The following SLC25A1 variants were observed in gnomAD, a reference collection of about 807,000 sequenced individuals.
The protein encoded by SLC25A1 is tricarboxylate transport protein, mitochondrial.
A neutral mutation model predicts 38.1 loss-of-function variants in SLC25A1; 26 were observed. That is an observed-to-expected ratio of 0.68 (90% CI 0.50 to 0.95). The LOEUF is 0.95. Among genes scored for constraint, SLC25A1 ranks in the 40% least tolerant of loss-of-function variants. SLC25A1 has a pLI of 0.00. For missense variants in SLC25A1, 378 were observed against 426.6 expected (o/e 0.89, Z 1.00); for synonymous variants, 211 against 183.2 (o/e 1.15, Z -1.23).
rs960754668 is a variant in SLC25A1 at position 19,176,301 on chromosome 22, G to A, written c.822-57C>T. ...CAGGTCAGCACAGTGTCCCTGCACA[G>A]GGCAATCCCCAGATACTGAAGTGAG... On this transcript the variant is annotated intron_variant, in intron 8 of 8. Coordinates refer to ENST00000215882, the MANE Select transcript of SLC25A1 (RefSeq NM_005984.5). The A allele has an allele frequency of 7.3e-5, 114 of 1,556,790 alleles. 2 individuals carry two copies. In the Admixed American group the frequency reaches 1.9e-3, roughly 26 times the overall value.
chr22:19,176,713 G>A lies in SLC25A1; in HGVS notation c.632-20C>T, dbSNP rs782293190. 6 of 1,607,914 alleles carry A rather than the reference G, an allele frequency of 3.7e-6. No homozygotes were observed. In the Admixed American group the frequency reaches 6.7e-5, roughly 18 times the overall value. On this transcript the variant is annotated intron_variant, in intron 6 of 8. Transcript: ENST00000215882. ...TGTCCCCTGGATATAGGAGGGGTGA[G>A]GTGGGTCAGAGGGTGCCGGGAGGGG...
chr22:19,176,518 G>A, intron 7 of SLC25A1, 24 bp from the exon 8 acceptor site: 1 of 1,613,382 alleles, frequency 6.2e-7, no homozygotes, highest in Non-Finnish European at 8.5e-7. Flanking sequence ...CAGCAGGCAG[G>A]GGCTCAGCAG....
chr22:19,178,445 G>A lies in SLC25A1; in HGVS notation c.94+135C>T. The A allele has an allele frequency of 7.3e-7, 1 of 1,370,984 alleles. No homozygotes were observed. Among genetic ancestry groups the A allele is most frequent in the Non-Finnish European group, 9.4e-7 (1 of 1,069,016 alleles). The allele number at this position is 1,370,984 out of a possible 1,614,324, so 84.9% of individuals were successfully genotyped here. The stretch of plus-strand genomic sequence containing the variant: ...ACGGGAGGCGGGCGAGTCCCAGCGC[G>A]CCGGGTGGGGACCAGGACCGCGCCT... On this transcript the variant is annotated intron_variant, in intron 1 of 8. Transcript: ENST00000215882. This position sits in a 1 kb window ranked among gnomAD's most constrained non-coding sequence, Gnocchi z 4.9.
chr22:19,176,696 G>T lies in SLC25A1; in HGVS notation c.632-3C>A. 1 of 1,612,324 alleles carries T rather than the reference G, an allele frequency of 6.2e-7. No homozygotes were observed. The highest frequency in any genetic ancestry group is 8.5e-7 in the Non-Finnish European group (1 of 1,178,538). ...CATGGGCTTGTTGGGGTTGTCCCCT[G>T]GATATAGGAGGGGTGAGGTGGGTCA... is the stretch of plus-strand genomic sequence containing the variant. On this transcript the variant is annotated splice_polypyrimidine_tract_variant and splice_region_variant and intron_variant, in intron 6 of 8. Coordinates refer to ENST00000215882, the MANE Select transcript of SLC25A1 (RefSeq NM_005984.5).
rs925805597 is a variant in SLC25A1, at chr22:19,178,410, G to C, written c.94+170C>G. 4.3e-6 allele frequency: 6 copies of C among 1,385,098 alleles called. No individual in the cohort carries two copies. Among genetic ancestry groups the C allele is most frequent in the Middle Eastern group, 2.6e-4 (1 of 3,852 alleles). The allele number at this position is 1,385,098 out of a possible 1,614,324, so 85.8% of individuals were successfully genotyped here. On this transcript the variant is annotated intron_variant, in intron 1 of 8. Transcript: ENST00000215882. This position sits in a 1 kb window ranked among gnomAD's most constrained non-coding sequence, Gnocchi z 4.9. ...ACCCCGTTGTCCCGGCGAGGCGCAGGGGGTGACAGACGGGAGGCGGGCGAG... is the reference window on the plus strand; with the variant it reads ...ACCCCGTTGTCCCGGCGAGGCGCAGCGGGTGACAGACGGGAGGCGGGCGAG...
Position 19,175,942 on chromosome 22 carries a change from A to G in SLC25A1, c.*188T>C, listed in dbSNP as rs2083952394. 3 of 270,986 alleles carry G rather than the reference A, an allele frequency of 1.1e-5. No homozygotes were observed. Among genetic ancestry groups the G allele is most frequent in the Non-Finnish European group, 1.8e-5 (3 of 167,392 alleles). 16.8% of individuals were successfully genotyped at this position (270,986 alleles called of 1,614,324 possible). A position where few individuals can be genotyped will look rare whatever the true frequency, so the allele number is the denominator to read the frequency against. On this transcript the variant is annotated 3_prime_UTR_variant, in exon 9 of 9. Transcript: ENST00000215882. ...ATGGCTGGGCCAGACACTGGGACAC[A>G]GTGGTGGTGTCACACACAGACCACA...
chr22:19,178,194 C>T lies in SLC25A1; in HGVS notation c.141G>A (p.Glu47=), dbSNP rs1555923304. 1.9e-6 allele frequency: 3 copies of T among 1,553,542 alleles called. No individual in the cohort carries two copies. Among genetic ancestry groups the T allele is most frequent in the South Asian group, 1.2e-5 (1 of 84,304 alleles). Residue 47 remains glutamate, a synonymous_variant, in exon 2 of 9, where the codon GAG becomes GAA. Transcript: ENST00000215882. The surrounding 1 kb of genome is among the most constrained non-coding windows in gnomAD (Gnocchi z 4.9). ...CCAGCTGCAGCTGCGTCTTCACGTA[C>T]TCGGTGGGGAAGGTGATGCAGATCT... ...GIEICITFPT[E]YVKTQLQLDE...
chr22:19,176,449 G>C lies in SLC25A1; in HGVS notation c.793C>G (p.Gln265Glu). 1 of 1,613,742 alleles carries C rather than the reference G, an allele frequency of 6.2e-7. No individual in the cohort carries two copies. Among genetic ancestry groups the C allele is most frequent in the Non-Finnish European group, 8.5e-7 (1 of 1,179,988 alleles). ...TTGAGCCCCTCCTTCTTCAGGATCT[G>C]CAAGCCGCAGTCCCACGTGTTCCGG... Reference protein sequence around the residue: ...KYRNTWDCGLQILKKEGLKAF... With the variant: ...KYRNTWDCGLEILKKEGLKAF... The change falls in exon 8 of 9, where the codon CAG becomes GAG. Residue 265 changes from glutamine (Q) to glutamate (E), a missense_variant. By Grantham distance (29) the Gln-to-Glu change is conservative. Transcript: ENST00000215882.
chr22:19,178,463 C>G lies in SLC25A1; in HGVS notation c.94+117G>C. ...CCAGCGCGCCGGGTGGGGACCAGGACCGCGCCTCCACGACTCCCCAGCCCA... is the reference window on the plus strand; with the variant it reads ...CCAGCGCGCCGGGTGGGGACCAGGAGCGCGCCTCCACGACTCCCCAGCCCA... On this transcript the variant is annotated intron_variant, in intron 1 of 8. Transcript: ENST00000215882. This position sits in a 1 kb window ranked among gnomAD's most constrained non-coding sequence, Gnocchi z 4.9. 1 of 1,354,514 alleles carries G rather than the reference C, an allele frequency of 7.4e-7. No individual in the cohort carries two copies. The highest frequency in any genetic ancestry group is 9.4e-7 in the Non-Finnish European group (1 of 1,059,330). 83.9% of individuals were successfully genotyped at this position (1,354,514 alleles called of 1,614,324 possible). A position where few individuals can be genotyped will look rare whatever the true frequency, so the allele number is the denominator to read the frequency against.
At position 19,175,812 on chromosome 22, in the gene SLC25A1, C is replaced by T. The variant is rs183630665; in HGVS notation, c.*318G>A. 6 of 239,680 alleles carry T rather than the reference C, an allele frequency of 2.5e-5. No individual in the cohort carries two copies. Among genetic ancestry groups the T allele is most frequent in the South Asian group, 1.8e-4 (3 of 16,848 alleles). The allele number at this position is 239,680 out of a possible 1,614,324, so 14.8% of individuals were successfully genotyped here. ...TGGGACCGGGCCAGGGCTACAGGGC[C>T]GAGGACCCAGGCCACACGGGCACCC... On this transcript the variant is annotated 3_prime_UTR_variant, in exon 9 of 9. Coordinates refer to ENST00000215882, the MANE Select transcript of SLC25A1 (RefSeq NM_005984.5).
Position 19,178,022 on chromosome 22 carries a change from C to T in SLC25A1, c.222G>A (p.Thr74=), listed in dbSNP as rs371134887. The change falls in exon 3 of 9, where the codon ACG becomes ACA. Residue 74 remains threonine, a synonymous_variant. Coordinates refer to ENST00000215882, the MANE Select transcript of SLC25A1 (RefSeq NM_005984.5). This position sits in a 1 kb window ranked among gnomAD's most constrained non-coding sequence, Gnocchi z 4.9. ...GGCCCAGGACGCCATGGCTGCGAAC[C>T]GTCTGCCGCACGCAGTCCCCTGGGG... ...YRGIGDCVRQ[T]VRSHGVLGLY... 1.3e-6 allele frequency: 2 copies of T among 1,596,990 alleles called. No homozygotes were observed. Among genetic ancestry groups the T allele is most frequent in the Non-Finnish European group, 1.7e-6 (2 of 1,174,148 alleles).
In SLC25A1 at chr22:19,177,141, T is replaced by C; in HGVS notation, c.505A>G (p.Arg169Gly). The change falls in exon 5 of 9, where the codon AGG (arginine) becomes GGG (glycine). Residue 169 changes from arginine (R) to glycine (G), a missense_variant. Physicochemically the swap from Arg to Gly is moderately radical, Grantham distance 125. Transcript: ENST00000215882. ...PKYRGFFHGVREIVREQGLKG... is the reference protein window; with the variant it reads ...PKYRGFFHGVGEIVREQGLKG... ...TCACCTTGTTCCCGCACAATCTCCC[T>C]AACCCCGTGGAAGAATCCTCTGTAC... 9.3e-6 allele frequency: 15 copies of C among 1,614,048 alleles called. No individual in the cohort carries two copies. Among genetic ancestry groups the C allele is most frequent in the Non-Finnish European group, 1.2e-5 (14 of 1,179,944 alleles).
At position 19,178,106 on chromosome 22, in the gene SLC25A1, G is replaced by A; in HGVS notation, c.202+27C>T. The A allele has an allele frequency of 6.5e-7, 1 of 1,531,608 alleles. No individual in the cohort carries two copies. The allele number at this position is 1,531,608 out of a possible 1,614,324, so 94.9% of individuals were successfully genotyped here. A position where few individuals can be genotyped will look rare whatever the true frequency, so the allele number is the denominator to read the frequency against. On this transcript the variant is annotated intron_variant, in intron 2 of 8. Transcript: ENST00000215882. This position sits in a 1 kb window ranked among gnomAD's most constrained non-coding sequence, Gnocchi z 4.9. ...CCGCCGCCCTGGGTACCCGCCCCCC[G>A]CGGCGCCGCGGCCTCCCCCTCCTCA... is the stretch of plus-strand genomic sequence containing the variant.
chr22:19,176,056 A>G lies in SLC25A1; in HGVS notation c.*74T>C. On this transcript the variant is annotated 3_prime_UTR_variant, in exon 9 of 9. Coordinates refer to ENST00000215882, the MANE Select transcript of SLC25A1 (RefSeq NM_005984.5). ...GGAAGGGGCCTTTTGGCACTACTGC[A>G]CTGGAATCGTGAGACAAAGGTAGCA... 8.7e-7 allele frequency: 1 copy of G among 1,149,318 alleles called. No homozygotes were observed. The highest frequency in any genetic ancestry group is 1.3e-5 in the South Asian group (1 of 79,584). The allele number at this position is 1,149,318 out of a possible 1,614,324, so 71.2% of individuals were successfully genotyped here. A position where few individuals can be genotyped will look rare whatever the true frequency, so the allele number is the denominator to read the frequency against.
chr22:19,176,093 C>A lies in SLC25A1; in HGVS notation c.*37G>T. The A allele has an allele frequency of 6.5e-7, 1 of 1,534,620 alleles. No individual in the cohort carries two copies. Among genetic ancestry groups the A allele is most frequent in the Non-Finnish European group, 9.0e-7 (1 of 1,108,896 alleles). On this transcript the variant is annotated 3_prime_UTR_variant, in exon 9 of 9. Coordinates refer to ENST00000215882, the MANE Select transcript of SLC25A1 (RefSeq NM_005984.5). ...AGACAAAGGTAGCAGGACACTCTGG[C>A]GGTGCCTGGGGCGGTCCCCTTGCGG...
chr22:19,177,909 C>G (rs782008540), intron 3 of SLC25A1, 33 bp downstream of exon 3: 213 of 1,583,732 alleles, frequency 1.3e-4, no homozygotes, highest in Middle Eastern at 9.1e-4. Context: ...CGGCCGAGCC[C>G]CCCTCCCGCA....
chr22:19,177,282 AT>A (rs1403066865), intron 4 of SLC25A1, 78 bp from the exon 5 acceptor site: 10 of 1,221,566 alleles, frequency 8.2e-6, no homozygotes, highest in Non-Finnish European at 1.1e-5. Flanking sequence ...CCCAGGGCCC[AT>A]CCAGGGTGGA....
chr22:19,177,967 C>A lies in SLC25A1; in HGVS notation c.277G>T (p.Gly93Cys). 6.2e-7 allele frequency: 1 copy of A among 1,604,034 alleles called. No homozygotes were observed. Among genetic ancestry groups the A allele is most frequent in the Non-Finnish European group, 8.5e-7 (1 of 1,177,050 alleles). Residue 93 changes from glycine to cysteine, a missense_variant, in exon 3 of 9, where the codon GGT becomes TGT. Physicochemically the swap from Gly to Cys is radical, Grantham distance 159. Coordinates refer to ENST00000215882, the MANE Select transcript of SLC25A1 (RefSeq NM_005984.5). ...CTGACGGCCGCCTTGGGGATGGAAC[C>A]GTAGAGCAGGGAGCTAAGGCCGCGG... ...LYRGLSSLLY[G>C]SIPKAAVRFG... is the part of the protein sequence containing the mutation.
chr22:19,177,622 G>A lies in SLC25A1; in HGVS notation c.441+105C>T, dbSNP rs1445807104. 4.0e-6 allele frequency: 6 copies of A among 1,505,600 alleles called. No individual in the cohort carries two copies. In the African/African-American group the frequency reaches 8.2e-5, roughly 21 times the overall value. 93.3% of individuals were successfully genotyped at this position (1,505,600 alleles called of 1,614,324 possible). The stretch of plus-strand genomic sequence containing the variant: ...CCCGCCGGCCTTCCCTGGCGTCCAG[G>A]AGACCCTCCCCAGCTTGCCGGTTGC... On this transcript the variant is annotated intron_variant, in intron 4 of 8. Transcript: ENST00000215882.
Sources: gnomAD v4.1 joint callset for allele counts on GRCh38, gnomAD v4.1.1 for gene constraint, Gnocchi (gnomAD v3.1) non-coding constraint, MANE v1.5 for transcripts, NCBI Gene and HGNC (gene_info 2026-07-23, HGNC 2026-07-21) for gene names.